IGF2BP2: variants seen among roughly 807,000 people sequenced by gnomAD.
IGF2BP2 encodes the protein insulin like growth factor 2 mRNA binding protein 2, also known as insulin-like growth factor 2 mRNA-binding protein 2.
A neutral mutation model predicts 75.8 loss-of-function variants in IGF2BP2; 17 were observed. The observed-to-expected ratio is 0.22, with a 90% CI of 0.15 to 0.34. The LOEUF (loss-of-function observed/expected upper bound fraction) is 0.34. Ranked by LOEUF, IGF2BP2 falls within the 10% of genes least tolerant of loss-of-function variation. The pLI, the probability that IGF2BP2 is intolerant of heterozygous loss-of-function variation, is 1.00. For missense variants in IGF2BP2, 516 were observed against 772.4 expected, an observed-to-expected ratio of 0.67 and a Z score of 3.93; for synonymous variants, 288 against 295.6, an observed-to-expected ratio of 0.97 and a Z score of 0.26.
intron 2 of IGF2BP2, 38 bp downstream of exon 2, chr3:185,823,115 G>C: frequency 7.1e-7 from 1 of 1,414,214 alleles, no homozygotes; most frequent in Non-Finnish European, 9.8e-7. Flanking sequence ...TATACGTAAG[G>C]CCAATCGCAA....
rs376084655 is a variant in IGF2BP2, at chr3:185,658,783, T to C, written c.1201-374A>G. Among the ~76,000 whole-genome samples, 19 of 152,286 alleles carry C rather than the reference T, an allele frequency of 1.2e-4. No individual in the cohort carries two copies. In the South Asian group the frequency reaches 3.9e-3, roughly 32 times the overall value. On this transcript the variant is annotated intron_variant, in intron 10 of 15. Coordinates refer to ENST00000382199, the MANE Select transcript of IGF2BP2 (RefSeq NM_006548.6). ...CCCTCGGGTGGAGAGGCGGGGCCAG[T>C]GCCTTCCGTTTTCTGGAGAATGATG...
At chr3:185,662,840 G>C (rs938807269) in intron 10 of IGF2BP2, among the ~76,000 whole-genome samples, 1 of 151,906 alleles carries the variant, frequency 6.6e-6, no homozygotes, top group Non-Finnish European at 1.5e-5. Context: ...ACTGCAGCTG[G>C]CTAATTTTTT....
intron 2 of IGF2BP2, among the ~76,000 whole-genome samples, chr3:185,809,133 A>C (rs557532176): frequency 4.6e-4 from 70 of 150,630 alleles, no homozygotes; most frequent in Admixed American, 1.4e-3. Context: ...TTTTTTTTTC[A>C]AATAGGTTTT....
chr3:185,672,773 A>G, intron 9 of IGF2BP2, 104 bp from the exon 10 acceptor site: 2 of 1,294,038 alleles, frequency 1.5e-6, no homozygotes, highest in Non-Finnish European at 2.2e-6. Context: ...GCGTCTCCTA[A>G]TCAGCTCTGC....
chr3:185,823,866 A>AGT (rs774773269), intron 1 of IGF2BP2, among the ~76,000 whole-genome samples: 27 of 149,614 alleles, frequency 1.8e-4, no homozygotes, highest in South Asian at 4.2e-4. Flanking sequence ...CGCGCGCGCG[A>AGT]GTGTGTGTGT....
chr3:185,704,928 GA>G (rs1350845105), intron 2 of IGF2BP2, among the ~76,000 whole-genome samples: 2 of 152,202 alleles, frequency 1.3e-5, no homozygotes, highest in African/African-American at 4.8e-5. Context: ...ATTAGGAAAC[GA>G]AATGTGTTCA....
At chr3:185,732,633 A>G (rs2149522681) in intron 2 of IGF2BP2, among the ~76,000 whole-genome samples, 1 of 152,332 alleles carries the variant, frequency 6.6e-6, no homozygotes, top group African/African-American at 2.4e-5. Flanking sequence ...CCATGTCTCA[A>G]GCTCTCTAAA....
chr3:185,796,631 AAAAG>A (rs1402098333), intron 2 of IGF2BP2, among the ~76,000 whole-genome samples: 1 of 141,802 alleles, frequency 7.1e-6, no homozygotes, highest in Non-Finnish European at 1.5e-5. Flanking sequence ...AAAAAAAAAA[AAAAG>A]AGAGAGAGAC....
At chr3:185,665,317 GAGA>G (rs1487865840) in intron 10 of IGF2BP2, among the ~76,000 whole-genome samples, 3 of 115,590 alleles carry the variant, frequency 2.6e-5, no homozygotes, top group South Asian at 3.7e-4. Context: ...GGAGCAGAAG[GAGA>G]AGGAGGAGGA....
At position 185,677,044 on chromosome 3, in the gene IGF2BP2, G is replaced by GATATATATTTATATATATATAT. The variant is rs1199843330; in HGVS notation, c.813-1132_813-1131insATATATATATATAAATATATAT. Among the ~76,000 whole-genome samples the GATATATATTTATATATATATAT allele has an allele frequency of 7.5e-4, 18 of 23,864 alleles. 1 individual carries two copies. The highest frequency in any genetic ancestry group is 2.2e-3 in the South Asian group (1 of 450). The allele number at this position is 23,864 out of a possible 152,430, so 15.7% of individuals were successfully genotyped here. On this transcript the variant is annotated intron_variant, in intron 7 of 15. Coordinates refer to ENST00000382199, the MANE Select transcript of IGF2BP2 (RefSeq NM_006548.6). ...GGAGAGAGATATATATATATATGGA[G>GATATATATTTATATATATATAT]ATATATATATATATATATATATATA...
chr3:185,725,476 C>T (rs951323552), intron 2 of IGF2BP2, among the ~76,000 whole-genome samples: 1 of 151,710 alleles, frequency 6.6e-6, no homozygotes, highest in African/African-American at 2.4e-5. Context: ...TGTGGGGGGT[C>T]GACAAAAAGA....
At chr3:185,654,716 G>A (rs1383253591) in intron 12 of IGF2BP2, among the ~76,000 whole-genome samples, 1 of 152,230 alleles carries the variant, frequency 6.6e-6, no homozygotes, top group Non-Finnish European at 1.5e-5. Context: ...GAAGCAGATG[G>A]GACCCAGAGA....
At chr3:185,719,845 G>GAAGGAAGGAAAGGAAGGA (rs569616695) in intron 2 of IGF2BP2, among the ~76,000 whole-genome samples, 2 of 151,914 alleles carry the variant, frequency 1.3e-5, no homozygotes, top group Non-Finnish European at 2.9e-5. Flanking sequence ...AAAAAGAAAG[G>GAAGGAAGGAAAGGAAGGA]AAGGAAGGAA....
At position 185,672,600 on chromosome 3, in the gene IGF2BP2, G is replaced by A. The variant is rs1227202536; in HGVS notation, c.1141C>T (p.Leu381=). 6.2e-7 allele frequency: 1 copy of A among 1,613,650 alleles called. No individual in the cohort carries two copies. The highest frequency in any genetic ancestry group is 1.3e-5 in the African/African-American group (1 of 74,928). ...CCGCGGGGCCCTGCTGGTGGAGATA[G>A]CACGGACAGTCCTGTTGAAAAGATG... ...LGIFSTGLSV[L]SPPAGPRGAP... The change falls in exon 10 of 16, where the codon CTA becomes TTA. Residue 381 remains leucine, a synonymous_variant. Coordinates refer to ENST00000382199, the MANE Select transcript of IGF2BP2 (RefSeq NM_006548.6).
chr3:185,669,017 C>G (rs1479581367), intron 10 of IGF2BP2, among the ~76,000 whole-genome samples: 1 of 151,954 alleles, frequency 6.6e-6, no homozygotes. Context: ...AGCAACTTAT[C>G]AGAGAGAACA....
intron 10 of IGF2BP2, among the ~76,000 whole-genome samples, chr3:185,669,286 A>G: frequency 6.6e-6 from 1 of 152,194 alleles, no homozygotes; most frequent in Non-Finnish European, 1.5e-5. Flanking sequence ...AAATGAATCA[A>G]GATGTATACA....
chr3:185,788,944 C>T (rs1478455957), intron 2 of IGF2BP2, among the ~76,000 whole-genome samples: 1 of 152,160 alleles, frequency 6.6e-6, no homozygotes, highest in African/African-American at 2.4e-5. Flanking sequence ...AACTCCTGAC[C>T]TCAGGTGATC....
At chr3:185,708,919 G>A (rs1320006703) in intron 2 of IGF2BP2, among the ~76,000 whole-genome samples, 1 of 152,198 alleles carries the variant, frequency 6.6e-6, no homozygotes, top group African/African-American at 2.4e-5. Flanking sequence ...GGTCTAAACA[G>A]AGTAAAAACC....
intron 2 of IGF2BP2, among the ~76,000 whole-genome samples, chr3:185,751,182 G>T (rs535932894): frequency 6.6e-6 from 1 of 152,126 alleles, no homozygotes; most frequent in Admixed American, 6.5e-5. Context: ...CACTGCCTCC[G>T]GCCAAAAAAT....
Sources: gnomAD v4.1 joint callset for allele counts (sites outside exome capture counted in the v4.1 genomes callset) on GRCh38, gnomAD v4.1.1 for gene constraint, MANE v1.5 for transcripts, NCBI Gene and HGNC (gene_info 2026-07-23, HGNC 2026-07-21) for gene names.